CNDP1: variants seen among roughly 807,000 people sequenced by gnomAD.
CNDP1 encodes carnosine dipeptidase 1, also known as beta-Ala-His dipeptidase.
In CNDP1, 44 loss-of-function variants were observed where a neutral mutation model predicts 58.1. The ratio of observed to expected loss-of-function variants is 0.76; its 90% CI spans 0.60 to 0.97. The LOEUF is 0.97. Ranked by LOEUF, CNDP1 falls within the 50% of genes least tolerant of loss-of-function variation. CNDP1 has a pLI of 0.00. For missense variants in CNDP1, 616 were observed against 655.1 expected, an observed-to-expected ratio of 0.94 and a Z score of 0.65; for synonymous variants, 254 against 252.6, an observed-to-expected ratio of 1.01 and a Z score of -0.05.
At chr18:74,552,740 C>T (rs186778451) in intron 1 of CNDP1, among the ~76,000 whole-genome samples, 3 of 152,328 alleles carry the variant, frequency 2.0e-5, no homozygotes, top group Admixed American at 6.5e-5. Flanking sequence ...CCGCTATAAA[C>T]ATCCACTTAC....
rs746961204 is a variant in CNDP1, at chr18:74,571,230, C to T, written c.801C>T (p.Gly267=). The change falls in exon 7 of 12, where the codon GGC becomes GGT. Residue 267 remains glycine (G), a synonymous_variant. Transcript: ENST00000358821. The stretch of plus-strand genomic sequence containing the variant: ...ATTTTCACTCAGGAACCTTTGGTGG[C>T]ATCCTTCATGAACCAATGGCTGATC... The part of the protein sequence containing the change: ...DQDFHSGTFG[G]ILHEPMADLV... The T allele has an allele frequency of 1.2e-6, 2 of 1,613,288 alleles. No homozygotes were observed. The highest frequency in any genetic ancestry group is 1.3e-5 in the African/African-American group (1 of 74,872).
At chr18:74,553,562 T>C (rs1156907209) in intron 1 of CNDP1, among the ~76,000 whole-genome samples, 2 of 152,214 alleles carry the variant, frequency 1.3e-5, no homozygotes, top group Non-Finnish European at 2.9e-5. Flanking sequence ...GAAAATCAGT[T>C]GATCATAAAT....
Position 74,580,266 on chromosome 18 carries a change from G to A in CNDP1, c.1304G>A (p.Arg435Lys), listed in dbSNP as rs1193210394. 4 of 1,614,026 alleles carry A rather than the reference G, an allele frequency of 2.5e-6. No individual in the cohort carries two copies. The highest frequency in any genetic ancestry group is 1.1e-5 in the South Asian group (1 of 91,090). The change falls in exon 10 of 12, where the codon AGA (arginine) becomes AAA (lysine). Residue 435 changes from arginine (R) to lysine (K), a missense_variant. Physicochemically the swap from Arg to Lys is conservative, Grantham distance 26 (BLOSUM62 2). Coordinates refer to ENST00000358821, the MANE Select transcript of CNDP1 (RefSeq NM_032649.6). ...TATCTCGCAGCAAAAAGAGCGATCA[G>A]AACAGGTGGGACCTTAAGATCTTCT... ...TQYLAAKRAI[R>K]TVFGTEPDMI...
At chr18:74,583,788 G>T in intron 11 of CNDP1, 80 bp downstream of exon 11, 1 of 1,380,332 alleles carries the variant, frequency 7.2e-7, no homozygotes. Flanking sequence ...GTGAGCTCCT[G>T]TTCAATTTAT....
chr18:74,570,369 A>G (rs1981449561), intron 6 of CNDP1, among the ~76,000 whole-genome samples: 1 of 152,102 alleles, frequency 6.6e-6, no homozygotes, highest in Admixed American at 6.5e-5. Flanking sequence ...AGAGACTTTG[A>G]TCTGGGCAGA....
chr18:74,566,517 A>G (rs964183503), intron 5 of CNDP1, among the ~76,000 whole-genome samples: 6 of 152,162 alleles, frequency 3.9e-5, no homozygotes, highest in African/African-American at 9.7e-5. Flanking sequence ...ATCTCTCTCA[A>G]GTTCAAAGTT....
Position 74,586,477 on chromosome 18 carries a change from A to T in CNDP1, c.*1915A>T, listed in dbSNP as rs1338977222. 1.3e-5 allele frequency: 2 copies of T among 152,232 alleles called. No homozygotes were observed. The highest frequency in any genetic ancestry group is 2.9e-5 in the Non-Finnish European group (2 of 68,052). The allele number at this position is 152,232 out of a possible 1,614,324, so 9.4% of individuals were successfully genotyped here. A position where few individuals can be genotyped will look rare whatever the true frequency, so the allele number is the denominator to read the frequency against. On this transcript the variant is annotated 3_prime_UTR_variant, in exon 12 of 12. Transcript: ENST00000358821. Reference sequence around the variant, plus strand: ...GTTAGTCCATTAACATAAGTTTATTATAAAATACACTGTAAGCATTTCTGG... The same window carrying T: ...GTTAGTCCATTAACATAAGTTTATTTTAAAATACACTGTAAGCATTTCTGG...
chr18:74,542,136 C>T, intron 1 of CNDP1, among the ~76,000 whole-genome samples: 1 of 152,208 alleles, frequency 6.6e-6, no homozygotes, highest in Non-Finnish European at 1.5e-5. Flanking sequence ...TCTTGTTACC[C>T]AACTCTGTAC....
In CNDP1 at chr18:74,585,994, C is replaced by CAAAAAAAAAAA. The variant is rs35859995; in HGVS notation, c.*1447_*1457dup. 7 of 68,206 alleles carry CAAAAAAAAAAA rather than the reference C, an allele frequency of 1.0e-4. No homozygotes were observed. Among genetic ancestry groups the CAAAAAAAAAAA allele is most frequent in the Non-Finnish European group, 1.8e-4 (7 of 39,048 alleles). The allele number at this position is 68,206 out of a possible 1,614,324, so 4.2% of individuals were successfully genotyped here. On this transcript the variant is annotated 3_prime_UTR_variant, in exon 12 of 12. Transcript: ENST00000358821. The stretch of plus-strand genomic sequence containing the variant: ...GGGCGACAGAGTGAGACTCCGTCTC[C>CAAAAAAAAAAA]AAAAAAAAAAAAAAAAAAAAAAAAA...
chr18:74,542,316 C>T (rs1325917348), intron 1 of CNDP1, among the ~76,000 whole-genome samples: 2 of 152,222 alleles, frequency 1.3e-5, no homozygotes, highest in Non-Finnish European at 2.9e-5. Flanking sequence ...AGGATACAAA[C>T]ATTTATGCCT....
chr18:74,580,100 T>G (rs748701373), intron 9 of CNDP1, 30 bp from the exon 10 acceptor site: 4 of 1,597,514 alleles, frequency 2.5e-6, no homozygotes, highest in Non-Finnish European at 1.7e-6. Context: ...CTTGACACTT[T>G]CTCTTATCAT....
chr18:74,553,355 A>T (rs894406743), intron 1 of CNDP1, among the ~76,000 whole-genome samples: 22 of 152,114 alleles, frequency 1.4e-4, no homozygotes, highest in African/African-American at 5.3e-4. Context: ...AGGTAGGAAG[A>T]TTTACAGCTA....
At chr18:74,572,067 A>G (rs895746018) in intron 7 of CNDP1, among the ~76,000 whole-genome samples, 5 of 152,168 alleles carry the variant, frequency 3.3e-5, no homozygotes, top group African/African-American at 1.2e-4. Context: ...CTGACTCCAG[A>G]AATGGTGTCA....
chr18:74,550,845 C>T (rs557204156), intron 1 of CNDP1, among the ~76,000 whole-genome samples: 30 of 152,052 alleles, frequency 2.0e-4, no homozygotes, highest in African/African-American at 6.8e-4. Context: ...CATGATCCTC[C>T]TGCTTCAGCC....
intron 5 of CNDP1, among the ~76,000 whole-genome samples, chr18:74,566,357 G>GT (rs1981328142): frequency 6.6e-6 from 1 of 152,200 alleles, no homozygotes; most frequent in Non-Finnish European, 1.5e-5. Flanking sequence ...CAGAAAATGG[G>GT]TTTTTCTTTT....
intron 2 of CNDP1, among the ~76,000 whole-genome samples, chr18:74,559,082 G>A (rs984128308): frequency 2.6e-5 from 4 of 152,070 alleles, no homozygotes; most frequent in African/African-American, 9.7e-5. Context: ...CTCCCAGCCC[G>A]TCCTGCCTGA....
chr18:74,551,384 ACACACAC>A (rs1980904227), intron 1 of CNDP1, among the ~76,000 whole-genome samples: 1 of 151,074 alleles, frequency 6.6e-6, no homozygotes, highest in Admixed American at 6.6e-5. Context: ...ACACACACAC[ACACACAC>A]ACAAACAAAA....
intron 9 of CNDP1, among the ~76,000 whole-genome samples, chr18:74,579,203 G>GCCTTCCCTTCCCTTCCCTTGCCTTC (rs1981720529): frequency 8.0e-6 from 1 of 125,518 alleles, no homozygotes; most frequent in Non-Finnish European, 1.6e-5. Context: ...CCCTTCCCTT[G>GCCTTCCCTTCCCTTCCCTTGCCTTC]CCTTCCCTTC....
At chr18:74,582,271 A>G (rs923273011) in intron 10 of CNDP1, among the ~76,000 whole-genome samples, 4 of 152,170 alleles carry the variant, frequency 2.6e-5, no homozygotes, top group Non-Finnish European at 5.9e-5. Context: ...TCACGTCCAC[A>G]TCTTTCTTTG....
Sources: allele counts gnomAD v4.1 joint callset (sites outside exome capture counted in the v4.1 genomes callset), GRCh38; gene constraint gnomAD v4.1.1; transcripts MANE v1.5; gene names NCBI Gene and HGNC (gene_info 2026-07-23, HGNC 2026-07-21).